MED16: variants seen among roughly 807,000 people sequenced by gnomAD.
MED16 encodes mediator of RNA polymerase II transcription subunit 16.
In MED16, 81 loss-of-function variants were observed where a neutral mutation model predicts 84.4. The ratio of observed to expected loss-of-function variants is 0.96; its 90% CI spans 0.80 to 1.15. MED16 has a LOEUF of 1.15. Ranked by LOEUF, MED16 falls within the 50% of genes most tolerant of loss-of-function variation. The probability of loss-of-function intolerance (pLI) is 0.00; values close to 1 mark genes in which losing one functional copy is unlikely to be tolerated. For missense variants in MED16, 1,585 were observed against 1,245.9 expected (o/e 1.27, Z -4.10); for synonymous variants, 897 against 552.2 (o/e 1.62, Z -8.76).
intron 9 of MED16, among the ~76,000 whole-genome samples, 162 bp downstream of exon 9, chr19:876,812 T>G (rs1183955023): frequency 6.6e-6 from 1 of 151,618 alleles, no homozygotes; most frequent in Non-Finnish European, 1.5e-5. Flanking sequence ...GCTGGCACTT[T>G]ACTGACCACG....
In MED16 at chr19:884,891, C is replaced by A. The variant is rs112395844; in HGVS notation, c.985+12G>T. The A allele has an allele frequency of 2.5e-6, 4 of 1,595,454 alleles. No homozygotes were observed. In the South Asian group the frequency reaches 4.5e-5, roughly 18 times the overall value. On this transcript the variant is annotated intron_variant, in intron 6 of 15. Transcript: ENST00000325464. ...GCAGGCCCAGGGCCTCCGCAGCCGG[C>A]GGGAGACTCACCCACGGGGGAGATC... is the stretch of plus-strand genomic sequence containing the variant.
chr19:891,242 C>T lies in MED16; in HGVS notation c.-18-93G>A, dbSNP rs551092269. 187 of 1,274,290 alleles carry T rather than the reference C, an allele frequency of 1.5e-4. 3 individuals carry two copies. The South Asian group carries it at 2.1e-3, about 14-fold the overall frequency. The allele number at this position is 1,274,290 out of a possible 1,614,324, so 78.9% of individuals were successfully genotyped here. On this transcript the variant is annotated intron_variant, in intron 1 of 15. Coordinates refer to ENST00000325464, the MANE Select transcript of MED16 (RefSeq NM_005481.3). ...CAGAAGTGGGAAAACAATGGAGGCC[C>T]GTGGTAGAGGGAACAGCCGATGCAA...
Position 877,183 on chromosome 19 carries a change from G to A in MED16, c.1354-3C>T, listed in dbSNP as rs779618893. ...GGTGAGAGGCGGAGCACGCTCAGCT[G>A]CCAGAGACAGAGCCCAAGGAGAGCC... is the stretch of plus-strand genomic sequence containing the variant. On this transcript the variant is annotated splice_region_variant and splice_polypyrimidine_tract_variant and intron_variant, in intron 8 of 15. Coordinates refer to ENST00000325464, the MANE Select transcript of MED16 (RefSeq NM_005481.3). 6.2e-7 allele frequency: 1 copy of A among 1,605,332 alleles called. No individual in the cohort carries two copies. Among genetic ancestry groups the A allele is most frequent in the Non-Finnish European group, 8.5e-7 (1 of 1,177,466 alleles).
rs1474287375 is a variant in MED16, at chr19:879,218, T to G, written c.1353+719A>C. Among the ~76,000 whole-genome samples, 6 of 137,986 alleles carry G rather than the reference T, an allele frequency of 4.3e-5. No individual in the cohort carries two copies. The East Asian group carries it at 1.3e-3, about 29-fold the overall frequency. 90.5% of individuals were successfully genotyped at this position (137,986 alleles called of 152,430 possible). ...CAGCTCACCTTCCCATGGTTGTCAA[T>G]GCCCACCAAGCCGAGCCCCACATGC... On this transcript the variant is annotated intron_variant, in intron 8 of 15. Transcript: ENST00000325464.
Position 880,110 on chromosome 19 carries a change from C to T in MED16, c.1180G>A (p.Val394Met), listed in dbSNP as rs777653749. The change falls in exon 8 of 16, where the codon GTG (valine) becomes ATG (methionine). Residue 394 changes from valine (V) to methionine (M), a missense_variant. Transcript: ENST00000325464. ...LAFHDGSVHIVHRLSLQTMAV... is the reference protein window; with the variant it reads ...LAFHDGSVHIMHRLSLQTMAV... ...ATGGTCTGCAGTGAGAGCCGGTGCA[C>T]GATGTGGACGCTGCCGTCGTGGAAG... 3.9e-5 allele frequency: 62 copies of T among 1,610,170 alleles called. No homozygotes were observed. In the East Asian group the frequency reaches 7.1e-4, roughly 19 times the overall value.
intron 1 of MED16, among the ~76,000 whole-genome samples, chr19:891,443 C>A (rs566432757): frequency 6.6e-6 from 1 of 152,180 alleles, no homozygotes; most frequent in Non-Finnish European, 1.5e-5. Context: ...ACCATGGGGG[C>A]CAAGGGCACA....
At chr19:876,879 GC>G (rs147055199) in intron 9 of MED16, 94 bp downstream of exon 9, 375 of 1,259,686 alleles carry the variant, frequency 3.0e-4, no homozygotes, top group African/African-American at 1.9e-3. Context: ...CTGCCACGGG[GC>G]CCCCACCTGC....
chr19:888,020 TGGAG>T (rs2036559331), intron 4 of MED16, among the ~76,000 whole-genome samples: 1 of 151,318 alleles, frequency 6.6e-6, no homozygotes, highest in Admixed American at 6.6e-5. Flanking sequence ...CTGACCAACA[TGGAG>T]AAACCCGGTC....
rs757877270 is a variant in MED16, at chr19:873,715, C to T, written c.1772-133G>A. ...GACACAAGGGGACCCACACCGGGAA[C>T]GAGAAGGGGGCGATGGCGTTGCCGG... is the stretch of plus-strand genomic sequence containing the variant. On this transcript the variant is annotated intron_variant, in intron 10 of 15. Transcript: ENST00000325464. The T allele has an allele frequency of 4.8e-5, 52 of 1,073,022 alleles. 2 individuals carry two copies. The highest frequency in any genetic ancestry group is 2.8e-4 in the South Asian group (19 of 67,290). 66.5% of individuals were successfully genotyped at this position (1,073,022 alleles called of 1,614,324 possible). A position where few individuals can be genotyped will look rare whatever the true frequency, so the allele number is the denominator to read the frequency against.
At chr19:885,245 CAG>C (rs1326748624) in intron 5 of MED16, among the ~76,000 whole-genome samples, 1 of 152,184 alleles carries the variant, frequency 6.6e-6, no homozygotes, top group Non-Finnish European at 1.5e-5. Flanking sequence ...CAAAGGGACA[CAG>C]GGAACCAAGT....
intron 5 of MED16, among the ~76,000 whole-genome samples, chr19:885,534 G>A (rs555140594): frequency 7.9e-5 from 12 of 152,272 alleles, no homozygotes; most frequent in African/African-American, 2.9e-4. Flanking sequence ...GACAGGAAGA[G>A]GCTGCGCTGT....
Position 868,068 on chromosome 19 carries a change from G to A in MED16, c.*33C>T. The A allele has an allele frequency of 6.4e-7, 1 of 1,573,810 alleles. No homozygotes were observed. Among genetic ancestry groups the A allele is most frequent in the Non-Finnish European group, 8.6e-7 (1 of 1,165,646 alleles). ...GGAAACCGAGGAGACGCCCGAGCCG[G>A]GTCACCACAAGGTCCGCCTGGACCC... is the stretch of plus-strand genomic sequence containing the variant. On this transcript the variant is annotated 3_prime_UTR_variant, in exon 16 of 16. Transcript: ENST00000325464.
Position 885,794 on chromosome 19 carries a change from G to A in MED16, c.855C>T (p.Phe285=), listed in dbSNP as rs2036513014. The A allele has an allele frequency of 6.2e-7, 1 of 1,611,336 alleles. No individual in the cohort carries two copies. The highest frequency in any genetic ancestry group is 1.3e-5 in the African/African-American group (1 of 74,936). The stretch of plus-strand genomic sequence containing the variant: ...CCTGCTCCGACATGTCCCGGGCCAG[G>A]AACTTGAGGTGGGTGATGGCGGGAA... ...DKFPAITHLK[F]LARDMSEQVL... The change falls in exon 5 of 16, where the codon TTC becomes TTT. Residue 285 remains phenylalanine, a synonymous_variant. Coordinates refer to ENST00000325464, the MANE Select transcript of MED16 (RefSeq NM_005481.3).
chr19:880,099 G>A lies in MED16; in HGVS notation c.1191C>T (p.Leu397=), dbSNP rs766481695. The A allele has an allele frequency of 8.7e-6, 14 of 1,610,676 alleles. No homozygotes were observed. The South Asian group carries it at 8.8e-5, about 10-fold the overall frequency. The change falls in exon 8 of 16, where the codon CTC becomes CTT. Residue 397 remains leucine (L), a synonymous_variant. Transcript: ENST00000325464. ...AGAAGACGGCCATGGTCTGCAGTGA[G>A]AGCCGGTGCACGATGTGGACGCTGC... ...HDGSVHIVHR[L]SLQTMAVFYS...
At chr19:869,311 G>C (rs1309413137) in intron 13 of MED16, among the ~76,000 whole-genome samples, 1 of 152,106 alleles carries the variant, frequency 6.6e-6, no homozygotes, top group African/African-American at 2.4e-5. Flanking sequence ...CTGGACAGAA[G>C]CAGGTACATG....
At chr19:889,571 G>A in intron 4 of MED16, 67 bp downstream of exon 4, 1 of 1,535,884 alleles carries the variant, frequency 6.5e-7, no homozygotes, top group South Asian at 1.3e-5. Flanking sequence ...GAGGAGAGGG[G>A]CTGGCGGGTG....
intron 11 of MED16, among the ~76,000 whole-genome samples, chr19:872,562 C>T (rs1476822905): frequency 2.7e-5 from 4 of 149,646 alleles, no homozygotes; most frequent in African/African-American, 9.9e-5. Context: ...CCGTGATGGG[C>T]GCGGTGGAGA....
In MED16 at chr19:881,040, G is replaced by A. The variant is rs916053519; in HGVS notation, c.1141+519C>T. On this transcript the variant is annotated intron_variant, in intron 7 of 15. Coordinates refer to ENST00000325464, the MANE Select transcript of MED16 (RefSeq NM_005481.3). Reference sequence around the variant, plus strand: ...TGCAGGCTCTGAGGAACAGCCCTGAGCCCCGAGCGGGTTTTGATAAATGCT... The same window carrying A: ...TGCAGGCTCTGAGGAACAGCCCTGAACCCCGAGCGGGTTTTGATAAATGCT... 1.3e-4 allele frequency among the ~76,000 whole-genome samples: 20 copies of A among 152,160 alleles called. 1 individual carries two copies.
intron 2 of MED16, among the ~76,000 whole-genome samples, chr19:890,714 C>A (rs569665012): frequency 6.6e-6 from 1 of 152,222 alleles, no homozygotes; most frequent in Non-Finnish European, 1.5e-5. Flanking sequence ...CGTCAACCAA[C>A]GCTCCAGCCC....
Sources: allele counts gnomAD v4.1 joint callset (sites outside exome capture counted in the v4.1 genomes callset), GRCh38; gene constraint gnomAD v4.1.1; transcripts MANE v1.5; gene names NCBI Gene and HGNC (gene_info 2026-07-23, HGNC 2026-07-21).